UBA1: variants seen among roughly 807,000 people sequenced by gnomAD.
The protein encoded by UBA1 is ubiquitin like modifier activating enzyme 1.
Under a neutral mutation model 84.7 loss-of-function variants are expected in UBA1, and 4 were observed. The observed-to-expected ratio is 0.05, with a 90% CI of 0.02 to 0.11. UBA1 has a LOEUF of 0.11. UBA1 is among the 10% of genes least tolerant of loss of function. The pLI is 1.00. For synonymous variants in UBA1, 364 were observed against 362.6 expected (o/e 1.00, Z -0.04); for missense variants, 513 against 902.8 (o/e 0.57, Z 5.53).
chrX:47,211,731 T>C, intron 20 of UBA1, among the ~76,000 whole-genome samples: 1 of 106,898 alleles, frequency 9.4e-6, no homozygotes, highest in East Asian at 3.0e-4. Flanking sequence ...ATGATGCTTC[T>C]GTAGCTCTGT....
chrX:47,199,431 C>G (rs782372107), intron 4 of UBA1, 49 bp from the exon 5 acceptor site: 1 of 1,211,561 alleles, frequency 8.3e-7, no homozygotes, highest in Admixed American at 2.2e-5. Flanking sequence ...CACCACTGTT[C>G]CCGGTGCCAC....
chrX:47,196,979 C>G lies in UBA1; in HGVS notation c.1-1824C>G, dbSNP rs914257830. Reference sequence around the variant, plus strand: ...TTGAAGACAGTTTCATTTGTCCCAGCTTTTGGAGAAAATGAGGCTCAGAGG... The same window carrying G: ...TTGAAGACAGTTTCATTTGTCCCAGGTTTTGGAGAAAATGAGGCTCAGAGG... On this transcript the variant is annotated intron_variant, in intron 1 of 25. Transcript: ENST00000335972. The G allele has an allele frequency of 1.1e-5, 4 of 373,230 alleles. No individual in the cohort carries two copies. In the South Asian group the frequency reaches 5.3e-4, roughly 50 times the overall value. 30.8% of individuals were successfully genotyped at this position (373,230 alleles called of 1,213,427 possible).
intron 1 of UBA1, chrX:47,197,696 C>T (rs1247251518): frequency 1.5e-6 from 1 of 674,772 alleles, no homozygotes; most frequent in Non-Finnish European, 1.8e-6. Context: ...GGCAAGGACA[C>T]TAAACTCTGC....
chrX:47,200,953 C>G lies in UBA1; in HGVS notation c.540C>G (p.His180Gln). 8.3e-7 allele frequency: 1 copy of G among 1,205,564 alleles called. No individual in the cohort carries two copies. The highest frequency in any genetic ancestry group is 1.1e-6 in the Non-Finnish European group (1 of 892,469). The change falls in exon 6 of 26, where the codon CAC becomes CAG. Residue 180 changes from histidine (H) to glutamine (Q), a missense_variant. Coordinates refer to ENST00000335972, the MANE Select transcript of UBA1 (RefSeq NM_003334.4). Reference sequence around the variant, plus strand: ...AGCTGCGAGTGGGTGAGTTCTGTCACAACCGTGGCATCAAGCTGGTGGTGG... The same window carrying G: ...AGCTGCGAGTGGGTGAGTTCTGTCAGAACCGTGGCATCAAGCTGGTGGTGG... ...EDQLRVGEFC[H>Q]NRGIKLVVAD...
In UBA1 at chrX:47,214,481, G is replaced by A. The variant is rs1467635295; in HGVS notation, c.2940+53G>A. ...CCACCTCAGGGGGCGAGGTGTACAC[G>A]GTGACTTGCTGGCCTGTCCACCTCC... On this transcript the variant is annotated intron_variant, in intron 24 of 25. Transcript: ENST00000335972. 3.8e-5 allele frequency: 46 copies of A among 1,198,547 alleles called. No homozygotes were observed. In the Admixed American group the frequency reaches 9.4e-4, roughly 25 times the overall value.
intron 16 of UBA1, 42 bp from the exon 17 acceptor site, chrX:47,209,581 T>G (rs782315795): frequency 8.5e-7 from 1 of 1,177,107 alleles, no homozygotes; most frequent in African/African-American, 1.8e-5. Flanking sequence ...AAACCCATTT[T>G]GTCAACTGTG....
At position 47,202,247 on chromosome X, in the gene UBA1, T is replaced by C. The variant is rs1556788408; in HGVS notation, c.903T>C (p.Ile301=). 1 of 1,208,782 alleles carries C rather than the reference T, an allele frequency of 8.3e-7. No individual in the cohort carries two copies. The change falls in exon 9 of 26, where the codon ATT becomes ATC. Residue 301 remains isoleucine, a synonymous_variant. Transcript: ENST00000335972. ...GTCAGGTCAAAGTACCTAAGAAGATTAGCTTTGTGAGTGTGTCGATGGGAT... is the reference window on the plus strand; with the variant it reads ...GTCAGGTCAAAGTACCTAAGAAGATCAGCTTTGTGAGTGTGTCGATGGGAT... ...IVSQVKVPKK[I]SFKSLVASLA... is the part of the protein sequence containing the mutation.
chrX:47,203,195 G>A lies in UBA1; in HGVS notation c.1400G>A (p.Gly467Asp), dbSNP rs201504752. 2.8e-5 allele frequency: 34 copies of A among 1,210,579 alleles called. No homozygotes were observed. The highest frequency in any genetic ancestry group is 2.3e-4 in the Middle Eastern group (1 of 4,361). The change falls in exon 13 of 26, where the codon GGC (glycine) becomes GAC (aspartate). Residue 467 changes from glycine to aspartate, a missense_variant. Around this residue, in one of 6 missense-constraint regions of UBA1, gnomAD observed 227 missense variants for 339.1 expected, o/e 0.67. Coordinates refer to ENST00000335972, the MANE Select transcript of UBA1 (RefSeq NM_003334.4). Reference sequence around the variant, plus strand: ...GGCTCAGACCTGCAAGAGAAGCTGGGCAAGCAGAAGTATTTCCTGGTAAGT... The same window carrying A: ...GGCTCAGACCTGCAAGAGAAGCTGGACAAGCAGAAGTATTTCCTGGTAAGT... ...VFGSDLQEKL[G>D]KQKYFLVGAG...
intron 1 of UBA1, chrX:47,198,431 G>A (rs782013493): frequency 9.6e-6 from 5 of 520,411 alleles, no homozygotes; most frequent in Non-Finnish European, 1.4e-5. Flanking sequence ...CTGTTAGTGC[G>A]TGGCAGGCTC....
rs1382447269 is a variant in UBA1 at position 47,214,908 on chromosome X, T to C, written c.3156T>C (p.Tyr1052=). ...DESGEDVEVP[Y]VRYTIR ...GCGGCGAGGATGTCGAGGTTCCCTA[T>C]GTCCGATACACCATCCGCTGACCCC... is the stretch of plus-strand genomic sequence containing the variant. The change falls in exon 26 of 26, where the codon TAT becomes TAC. Residue 1052 remains tyrosine (Y), a synonymous_variant. Transcript: ENST00000335972. 4.1e-6 allele frequency: 5 copies of C among 1,209,381 alleles called. No individual in the cohort carries two copies. In the African/African-American group the frequency reaches 8.8e-5, roughly 21 times the overall value.
intron 24 of UBA1, 41 bp downstream of exon 24, chrX:47,214,469 C>T (rs782579106): frequency 4.2e-6 from 5 of 1,193,735 alleles, no homozygotes; most frequent in East Asian, 3.0e-5. Flanking sequence ...CCTCAGGGGG[C>T]GAGGTGTACA....
rs782814899 is a variant in UBA1 at position 47,209,941 on chromosome X, G to A, written c.2017G>A (p.Val673Met). The A allele has an allele frequency of 2.5e-6, 3 of 1,212,219 alleles. No individual in the cohort carries two copies. The highest frequency in any genetic ancestry group is 3.5e-5 in the South Asian group (2 of 57,024). Reference sequence around the variant, plus strand: ...GATTCCTGATAGAGACCCCAAGTTTGTGGAGCGAACACTGCGGCTGGCAGG... The same window carrying A: ...GATTCCTGATAGAGACCCCAAGTTTATGGAGCGAACACTGCGGCTGGCAGG... ...VNQYLTDPKF[V>M]ERTLRLAGTQ... is the part of the protein sequence containing the mutation. Residue 673 changes from valine to methionine, a missense_variant, in exon 18 of 26, where the codon GTG (valine) becomes ATG (methionine). Transcript: ENST00000335972.
In UBA1 at chrX:47,212,983, C is replaced by G; in HGVS notation, c.2647-7C>G. The G allele has an allele frequency of 8.3e-7, 1 of 1,211,948 alleles. No homozygotes were observed. Among genetic ancestry groups the G allele is most frequent in the Non-Finnish European group, 1.1e-6 (1 of 895,571 alleles). ...TACCACCTTCTTTTGTCCCTTCTGT[C>G]TCTCAGAGCAAGCTGATTGCAGGGA... On this transcript the variant is annotated splice_polypyrimidine_tract_variant and splice_region_variant and intron_variant, in intron 22 of 25. Coordinates refer to ENST00000335972, the MANE Select transcript of UBA1 (RefSeq NM_003334.4).
At chrX:47,213,679 A>G (rs1259247161) in intron 23 of UBA1, among the ~76,000 whole-genome samples, 1 of 111,987 alleles carries the variant, frequency 8.9e-6, no homozygotes, top group Non-Finnish European at 1.9e-5. Context: ...CAGCCTGGCC[A>G]ACATGATGAA....
Position 47,210,901 on chromosome X carries a change from C to T in UBA1, c.2259C>T (p.Thr753=), listed in dbSNP as rs782098469. Residue 753 remains threonine (T), a synonymous_variant, in exon 19 of 26, where the codon ACC becomes ACT. Transcript: ENST00000335972. ...CCAAACGCTGTCCACACCCGCTCAC[C>T]TTTGATGTCAACAATGTAAGTCTCC... ...SGPKRCPHPL[T]FDVNNPLHLD... The T allele has an allele frequency of 8.3e-7, 1 of 1,211,482 alleles. No homozygotes were observed. Among genetic ancestry groups the T allele is most frequent in the Non-Finnish European group, 1.1e-6 (1 of 895,332 alleles).
At chrX:47,206,704 C>T (rs1390546262) in intron 16 of UBA1, 12 of 400,080 alleles carry the variant, frequency 3.0e-5, no homozygotes, top group Non-Finnish European at 5.2e-5. Flanking sequence ...AAATACCATT[C>T]CTCACCTAAA....
chrX:47,194,338 C>A (rs1325720050), intron 1 of UBA1, among the ~76,000 whole-genome samples: 1 of 112,294 alleles, frequency 8.9e-6, no homozygotes, highest in African/African-American at 3.2e-5. Flanking sequence ...GAACTCTTCC[C>A]CAGTCTCCAA....
At position 47,198,836 on chromosome X, in the gene UBA1, G is replaced by T. The variant is rs982155788; in HGVS notation, c.34G>T (p.Val12Leu). 6.6e-6 allele frequency: 8 copies of T among 1,210,194 alleles called. No individual in the cohort carries two copies. The highest frequency in any genetic ancestry group is 7.8e-6 in the Non-Finnish European group (7 of 895,283). The change falls in exon 2 of 26, where the codon GTG becomes TTG. Residue 12 changes from valine (V) to leucine (L), a missense_variant. By Grantham distance (32) the Val-to-Leu change is conservative (BLOSUM62 1). Coordinates refer to ENST00000335972, the MANE Select transcript of UBA1 (RefSeq NM_003334.4). ...SSSPLSKKRRVSGPDPKPGSN... is the reference protein window; with the variant it reads ...SSSPLSKKRRLSGPDPKPGSN... Reference sequence around the variant, plus strand: ...CTCGCCGCTGTCCAAGAAACGTCGCGTGTCCGGGCCTGATCCAAAGCCGGG... The same window carrying T: ...CTCGCCGCTGTCCAAGAAACGTCGCTTGTCCGGGCCTGATCCAAAGCCGGG...
At chrX:47,197,090 C>T in intron 1 of UBA1, 1 of 754,530 alleles carries the variant, frequency 1.3e-6, no homozygotes. Flanking sequence ...CACCAAGCCT[C>T]TTGCTACCCA....
Sources: allele counts gnomAD v4.1 joint callset (sites outside exome capture counted in the v4.1 genomes callset), GRCh38; gene constraint gnomAD v4.1.1; regional missense constraint gnomAD v4.1.1; transcripts MANE v1.5; gene names NCBI Gene and HGNC (gene_info 2026-07-23, HGNC 2026-07-21).